The following ZBTB38 variants were observed in gnomAD, a reference collection of about 807,000 sequenced individuals.
The protein encoded by ZBTB38 is zinc finger and BTB domain containing 38.
In ZBTB38, 20 loss-of-function variants were observed where a neutral mutation model predicts 76.8. The observed-to-expected ratio is 0.26, with a 90% confidence interval of 0.18 to 0.38. The LOEUF is 0.38. Among genes scored for constraint, ZBTB38 ranks in the 10% least tolerant of loss-of-function variants. The pLI, the probability that ZBTB38 is intolerant of heterozygous loss-of-function variation, is 1.00. For synonymous variants in ZBTB38, 504 were observed against 544.2 expected (o/e 0.93, Z 1.03); for missense variants, 1,082 against 1,482.3 (o/e 0.73, Z 4.43).
intron 4 of ZBTB38, among the ~76,000 whole-genome samples, chr3:141,394,702 C>T (rs1025703085): frequency 5.9e-5 from 9 of 152,178 alleles, no homozygotes; most frequent in African/African-American, 2.2e-4. Flanking sequence ...AAAGGATATT[C>T]TGATTGTTTG....
In ZBTB38 at chr3:141,385,649, A is replaced by AGTGTGTGT. The variant is rs10617390; in HGVS notation, c.-171-1199_-171-1192dup. On this transcript the variant is annotated intron_variant, in intron 3 of 5. Transcript: ENST00000321464. The stretch of plus-strand genomic sequence containing the variant: ...ACATTTCATTGCAATTCGAGCTTTG[A>AGTGTGTGT]GTGTGTGTGTGTGTGTGTGTGTGTG... Among the ~76,000 whole-genome samples, 1,037 of 147,136 alleles carry AGTGTGTGT rather than the reference A, an allele frequency of 7.0e-3. 2 individuals are homozygous for AGTGTGTGT. The highest frequency in any genetic ancestry group is 0.014 in the Middle Eastern group (4 of 290).
chr3:141,346,639 C>T (rs910901014), intron 1 of ZBTB38, among the ~76,000 whole-genome samples: 1 of 152,066 alleles, frequency 6.6e-6, no homozygotes, highest in Admixed American at 6.6e-5. Context: ...GACGCTCAGA[C>T]GAGGGGTAAA....
At chr3:141,421,872 G>A (rs1477327516) in intron 5 of ZBTB38, among the ~76,000 whole-genome samples, 1 of 152,232 alleles carries the variant, frequency 6.6e-6, no homozygotes, top group Non-Finnish European at 1.5e-5. Flanking sequence ...GAAAGGTCTT[G>A]GGGCTGGATG....
At chr3:141,359,151 C>A (rs1036225341) in intron 1 of ZBTB38, among the ~76,000 whole-genome samples, 3 of 152,194 alleles carry the variant, frequency 2.0e-5, no homozygotes, top group Non-Finnish European at 4.4e-5. Context: ...ACCAGTGTTG[C>A]CAAGGACCCA....
At chr3:141,397,642 A>G (rs1413320760) in intron 4 of ZBTB38, among the ~76,000 whole-genome samples, 1 of 152,216 alleles carries the variant, frequency 6.6e-6, no homozygotes, top group African/African-American at 2.4e-5. Context: ...CTTAGAGGCC[A>G]TTGTAAGGTT....
intron 1 of ZBTB38, among the ~76,000 whole-genome samples, chr3:141,326,482 T>C (rs1378023654): frequency 6.6e-6 from 1 of 152,196 alleles, no homozygotes; most frequent in Admixed American, 6.5e-5. Context: ...TTTTATCTTA[T>C]CAGAGTGCAA....
chr3:141,340,946 G>GAAAAGAAAAGAAAAGAA (rs1185608672), intron 1 of ZBTB38, among the ~76,000 whole-genome samples: 6 of 42,956 alleles, frequency 1.4e-4, no homozygotes, highest in African/African-American at 9.6e-4. Context: ...AGAAAAGAAA[G>GAAAAGAAAAGAAAAGAA]AAGGAAAGAA....
intron 5 of ZBTB38, among the ~76,000 whole-genome samples, chr3:141,429,903 G>GT (rs1333194467): frequency 6.6e-6 from 1 of 152,198 alleles, no homozygotes; most frequent in Non-Finnish European, 1.5e-5. Flanking sequence ...AAGGAGTGCA[G>GT]TGGGAGGGAA....
chr3:141,329,318 T>C (rs1277509890), intron 1 of ZBTB38, among the ~76,000 whole-genome samples: 1 of 152,196 alleles, frequency 6.6e-6, no homozygotes, highest in Non-Finnish European at 1.5e-5. Flanking sequence ...ATTAGAGAAA[T>C]GCCTTCAACA....
In ZBTB38 at chr3:141,371,638, C is replaced by T. The variant is rs1412381333; in HGVS notation, c.-235+1692C>T. 3.3e-5 allele frequency among the ~76,000 whole-genome samples: 5 copies of T among 152,296 alleles called. No individual in the cohort carries two copies. In the East Asian group the frequency reaches 9.6e-4, roughly 29 times the overall value. ...GATAACAGGCATGAGCCACCGGGCC[C>T]AGCCGAGAAACATTTAAAAGTAGAC... On this transcript the variant is annotated intron_variant, in intron 2 of 5. Coordinates refer to ENST00000321464, the MANE Select transcript of ZBTB38 (RefSeq NM_001376113.1).
intron 1 of ZBTB38, among the ~76,000 whole-genome samples, chr3:141,360,877 G>A (rs756339967): frequency 6.6e-6 from 1 of 152,212 alleles, no homozygotes; most frequent in South Asian, 2.1e-4. Context: ...CGCACCCCTG[G>A]TTGAGAATCA....
rs777629945 is a variant in ZBTB38, at chr3:141,444,665, C to A, written c.2277C>A (p.Pro759=). The A allele has an allele frequency of 5.0e-6, 8 of 1,613,898 alleles. No individual in the cohort carries two copies. The African/African-American group carries it at 1.1e-4, about 22-fold the overall frequency. The stretch of plus-strand genomic sequence containing the variant: ...AGTCCCTGAAAGATGACAGTAAGCC[C>A]GAGCCAGATAAAGTGGGTAGGTTTG... The part of the protein sequence containing the change: ...VSQSLKDDSK[P]EPDKVGRFAS... The change falls in exon 6 of 6, where the codon CCC becomes CCA. Residue 759 remains proline (P), a synonymous_variant. Coordinates refer to ENST00000321464, the MANE Select transcript of ZBTB38 (RefSeq NM_001376113.1). The surrounding 1 kb of genome is among the most constrained non-coding windows in gnomAD (Gnocchi z 5.1).
At chr3:141,399,384 G>A (rs1289934529) in intron 4 of ZBTB38, among the ~76,000 whole-genome samples, 3 of 152,150 alleles carry the variant, frequency 2.0e-5, no homozygotes, top group Non-Finnish European at 2.9e-5. Flanking sequence ...ATGGGAAGTT[G>A]ACACCTCTAT....
chr3:141,387,195 C>T (rs1444202394), intron 4 of ZBTB38: 1 of 152,086 alleles, frequency 6.6e-6, no homozygotes, highest in Non-Finnish European at 1.5e-5. Context: ...CCTTTCATTT[C>T]CAATTCATTT....
intron 2 of ZBTB38, among the ~76,000 whole-genome samples, chr3:141,372,313 T>C (rs1944734384): frequency 6.6e-6 from 1 of 152,150 alleles, no homozygotes; most frequent in African/African-American, 2.4e-5. Context: ...AAAGTGTCTA[T>C]TGATCGGGGA....
intron 5 of ZBTB38, among the ~76,000 whole-genome samples, chr3:141,414,633 G>T (rs2073518245): frequency 6.6e-6 from 1 of 152,210 alleles, no homozygotes; most frequent in African/African-American, 2.4e-5. Context: ...GGGTGAGACA[G>T]GAAGAACATC....
At chr3:141,359,872 A>T (rs542523515) in intron 1 of ZBTB38, among the ~76,000 whole-genome samples, 2 of 152,230 alleles carry the variant, frequency 1.3e-5, no homozygotes, top group Non-Finnish European at 2.9e-5. Flanking sequence ...TTGAGGTTGG[A>T]GTGAGCCATG....
intron 2 of ZBTB38, among the ~76,000 whole-genome samples, chr3:141,371,600 C>T (rs1175233217): frequency 6.6e-6 from 1 of 151,564 alleles, no homozygotes; most frequent in African/African-American, 2.4e-5. Context: ...ACCTTGGCCT[C>T]CCAAAGTGCT....
chr3:141,337,404 G>A (rs1208690099), intron 1 of ZBTB38, among the ~76,000 whole-genome samples: 1 of 152,236 alleles, frequency 6.6e-6, no homozygotes, highest in Non-Finnish European at 1.5e-5. Context: ...GGCGTTGCCT[G>A]TGGTCTGGTC....
Sources: allele counts gnomAD v4.1 joint callset (sites outside exome capture counted in the v4.1 genomes callset), GRCh38; gene constraint gnomAD v4.1.1; non-coding constraint Gnocchi (gnomAD v3.1); transcripts MANE v1.5; gene names NCBI Gene and HGNC (gene_info 2026-07-23, HGNC 2026-07-21).